LRRIQ1: variants seen among roughly 807,000 people sequenced by gnomAD.
The protein encoded by LRRIQ1 is leucine-rich repeat- and IQ domain-containing protein 1.
A neutral mutation model predicts 211.9 loss-of-function variants in LRRIQ1; 210 were observed. The observed-to-expected ratio is 0.99, with a 90% CI of 0.89 to 1.11. The LOEUF (loss-of-function observed/expected upper bound fraction) is 1.11. Among genes scored for constraint, LRRIQ1 ranks in the 50% most tolerant of loss-of-function variants. The pLI, the probability that LRRIQ1 is intolerant of heterozygous loss-of-function variation, is 0.00. For synonymous variants in LRRIQ1, 699 were observed against 650.1 expected (o/e 1.08, Z -1.14); for missense variants, 2,136 against 1,939.5 (o/e 1.10, Z -1.90).
intron 24 of LRRIQ1, among the ~76,000 whole-genome samples, chr12:85,188,847 A>G (rs1278365437): frequency 2.6e-5 from 4 of 152,156 alleles, no homozygotes; most frequent in Non-Finnish European, 5.9e-5. Context: ...GTTCTTTACT[A>G]TCACCTCTAT....
At chr12:85,105,328 A>C (rs1886691349) in intron 14 of LRRIQ1, among the ~76,000 whole-genome samples, 1 of 151,936 alleles carries the variant, frequency 6.6e-6, no homozygotes, top group Admixed American at 6.6e-5. Flanking sequence ...TCAGTTTTTT[A>C]CTGTTAGGCC....
chr12:85,212,419 T>C (rs1592977260), intron 24 of LRRIQ1, among the ~76,000 whole-genome samples: 1 of 152,222 alleles, frequency 6.6e-6, no homozygotes, highest in Non-Finnish European at 1.5e-5. Context: ...ATACGTTTTT[T>C]TAAATGGGCA....
At position 85,055,692 on chromosome 12, in the gene LRRIQ1, A is replaced by G. The variant is rs1880932965; in HGVS notation, c.899A>G (p.Tyr300Cys). 1.9e-6 allele frequency: 3 copies of G among 1,609,090 alleles called. No homozygotes were observed. Among genetic ancestry groups the G allele is most frequent in the East Asian group, 2.2e-5 (1 of 44,660 alleles). ...GCTAAATATAAAGCATTTGTTGCCT[A>G]TCAAAAATATGGCCCAATTATTAAA... ...IQAKYKAFVAYQKYGPIIKEQ... is the reference protein window; with the variant it reads ...IQAKYKAFVACQKYGPIIKEQ... The change falls in exon 8 of 27, where the codon TAT (tyrosine) becomes TGT (cysteine). Residue 300 changes from tyrosine (Y) to cysteine (C), a missense_variant. Tyr to Cys is a radical substitution (Grantham distance 194). Coordinates refer to ENST00000393217, the MANE Select transcript of LRRIQ1 (RefSeq NM_001079910.2).
At chr12:85,261,342 T>A (rs1401411348) in intron 1 of LRRIQ1, among the ~76,000 whole-genome samples, 2 of 152,172 alleles carry the variant, frequency 1.3e-5, no homozygotes, top group African/African-American at 4.8e-5. Context: ...ATTTTAAGAT[T>A]AAAAACCAAA....
At chr12:85,087,038 C>T (rs1884903331) in intron 11 of LRRIQ1, among the ~76,000 whole-genome samples, 1 of 151,994 alleles carries the variant, frequency 6.6e-6, no homozygotes, top group South Asian at 2.1e-4. Flanking sequence ...TGGTGTACTG[C>T]ACCCATTAAC....
intron 6 of LRRIQ1, among the ~76,000 whole-genome samples, chr12:85,050,805 A>G (rs1281171353): frequency 6.6e-6 from 1 of 152,200 alleles, no homozygotes; most frequent in African/African-American, 2.4e-5. Context: ...AAAAATTCCC[A>G]TAGCTCATAT....
chr12:85,110,330 C>T (rs1806152440), intron 15 of LRRIQ1, among the ~76,000 whole-genome samples: 1 of 151,980 alleles, frequency 6.6e-6, no homozygotes, highest in Admixed American at 6.6e-5. Context: ...ATGATCAAAA[C>T]CACTAATACA....
At chr12:85,214,498 G>T (rs774165068) in intron 24 of LRRIQ1, among the ~76,000 whole-genome samples, 1 of 152,112 alleles carries the variant, frequency 6.6e-6, no homozygotes, top group Non-Finnish European at 1.5e-5. Context: ...GATATGGTAT[G>T]ATATGGTGGT....
chr12:85,160,611 A>G lies in LRRIQ1; in HGVS notation c.4721-2A>G, dbSNP rs1186650731. The G allele has an allele frequency of 2.5e-6, 4 of 1,580,714 alleles. No individual in the cohort carries two copies. The highest frequency in any genetic ancestry group is 3.5e-6 in the Non-Finnish European group (4 of 1,151,874). On this transcript the variant is annotated splice_acceptor_variant, in intron 23 of 26. Transcript: ENST00000393217. LOFTEE classifies it high-confidence loss of function. The stretch of plus-strand genomic sequence containing the variant: ...TGCTCCTTTCTTATTCGTTTTGTTT[A>G]GATTCCACTGTGCGTCTAGCCTTAT...
At chr12:85,229,885 A>T (rs946285619) in intron 25 of LRRIQ1, among the ~76,000 whole-genome samples, 4 of 152,244 alleles carry the variant, frequency 2.6e-5, no homozygotes, top group Non-Finnish European at 5.9e-5. Flanking sequence ...CAGATGAGCC[A>T]CAAAAATAAT....
At chr12:85,164,437 T>C (rs1891052250) in intron 24 of LRRIQ1, among the ~76,000 whole-genome samples, 1 of 152,190 alleles carries the variant, frequency 6.6e-6, no homozygotes, top group South Asian at 2.1e-4. Context: ...TGGGGAGTAT[T>C]GTGAGGATTA....
chr12:85,203,618 C>T (rs1271109675), intron 24 of LRRIQ1, among the ~76,000 whole-genome samples: 1 of 152,060 alleles, frequency 6.6e-6, no homozygotes, highest in African/African-American at 2.4e-5. Context: ...GGAACTGGAG[C>T]AAAGGTGTGT....
chr12:85,169,532 C>A (rs1375857807), intron 24 of LRRIQ1, among the ~76,000 whole-genome samples: 1 of 152,126 alleles, frequency 6.6e-6, no homozygotes, highest in East Asian at 1.9e-4. Context: ...TTCTGTTCCT[C>A]AAGTATGATA....
intron 15 of LRRIQ1, among the ~76,000 whole-genome samples, chr12:85,107,166 T>C (rs923936880): frequency 6.6e-6 from 1 of 152,140 alleles, no homozygotes; most frequent in Non-Finnish European, 1.5e-5. Context: ...TCATTTACAC[T>C]TCTAATAATA....
chr12:85,192,473 A>G (rs560791970), intron 24 of LRRIQ1, among the ~76,000 whole-genome samples: 232 of 121,728 alleles, frequency 1.9e-3, no homozygotes, highest in African/African-American at 6.6e-3. Flanking sequence ...AATTATATAT[A>G]AATATATATA....
intron 24 of LRRIQ1, among the ~76,000 whole-genome samples, chr12:85,188,054 A>AT (rs1437742243): frequency 1.3e-5 from 2 of 151,926 alleles, no homozygotes; most frequent in Admixed American, 6.6e-5. Context: ...GAATGTCTTT[A>AT]TGCTGTGTGC....
At chr12:85,138,078 CT>C (rs760348864) in intron 19 of LRRIQ1, 109 bp downstream of exon 19, 64 of 646,336 alleles carry the variant, frequency 9.9e-5, no homozygotes, top group Non-Finnish European at 1.4e-4. Context: ...TTGTTACAGA[CT>C]TTTTTCCTAA....
chr12:85,225,256 C>T (rs1231200160), intron 24 of LRRIQ1, among the ~76,000 whole-genome samples: 2 of 152,038 alleles, frequency 1.3e-5, no homozygotes, highest in Non-Finnish European at 2.9e-5. Flanking sequence ...AAGCAAATGC[C>T]ATTTCCTATC....
Position 85,258,401 on chromosome 12 carries a change from A to G in LRRIQ1, c.122-4514A>G, listed in dbSNP as rs1031077753. On this transcript the variant is annotated intron_variant, in intron 1 of 1. Transcript: ENST00000602731. ...ATAATGTACAAAAATACTTTTATTC[A>G]CTGAAAAGGTAAAAAGCAATCTCAA... Among the ~76,000 whole-genome samples the G allele has an allele frequency of 4.6e-5, 7 of 151,918 alleles. No homozygotes were observed. The South Asian group carries it at 1.0e-3, about 22-fold the overall frequency.
Sources: allele counts gnomAD v4.1 joint callset (sites outside exome capture counted in the v4.1 genomes callset), GRCh38; gene constraint gnomAD v4.1.1; transcripts MANE v1.5; gene names NCBI Gene and HGNC (gene_info 2026-07-23, HGNC 2026-07-21).